SPSB4: variants seen among roughly 807,000 people sequenced by gnomAD.
The protein encoded by SPSB4 is splA/ryanodine receptor domain and SOCS box containing 4.
SPSB4 carries 21 observed loss-of-function variants against 20.9 expected under a neutral mutation model. The ratio of observed to expected loss-of-function variants is 1.01; its 90% CI spans 0.71 to 1.45. The LOEUF (loss-of-function observed/expected upper bound fraction) is 1.45. Among genes scored for constraint, SPSB4 ranks in the 40% most tolerant of loss-of-function variants. SPSB4 has a pLI of 0.00. For missense variants in SPSB4, 399 were observed against 399.2 expected (o/e 1.00, Z 0.00); for synonymous variants, 207 against 183.8 (o/e 1.13, Z -1.02).
chr3:141,113,114 A>T (rs1938829534), intron 2 of SPSB4, among the ~76,000 whole-genome samples: 1 of 152,152 alleles, frequency 6.6e-6, no homozygotes. Flanking sequence ...ACCCACTAGG[A>T]TGGTTATAAT....
chr3:141,062,419 T>C (rs1937783564), intron 1 of SPSB4, among the ~76,000 whole-genome samples: 1 of 152,112 alleles, frequency 6.6e-6, no homozygotes, highest in African/African-American at 2.4e-5. Flanking sequence ...TGGTAGTTTT[T>C]CCCAAAGAAC....
chr3:141,109,034 G>A (rs915773641), intron 2 of SPSB4, among the ~76,000 whole-genome samples: 1 of 152,046 alleles, frequency 6.6e-6, no homozygotes, highest in African/African-American at 2.4e-5. Context: ...TCAAAACCTG[G>A]GCCTTTTGGA....
intron 2 of SPSB4, among the ~76,000 whole-genome samples, chr3:141,079,738 T>C (rs1938190878): frequency 6.6e-6 from 1 of 152,160 alleles, no homozygotes; most frequent in Admixed American, 6.5e-5. Flanking sequence ...AATCCAGATA[T>C]AGAACAAAGT....
chr3:141,102,704 G>A (rs1399141059), intron 2 of SPSB4, among the ~76,000 whole-genome samples: 1 of 152,130 alleles, frequency 6.6e-6, no homozygotes, highest in Non-Finnish European at 1.5e-5. Context: ...GAACCAAGCA[G>A]GAACAGAAAC....
chr3:141,130,053 A>G (rs1939110405), intron 2 of SPSB4, among the ~76,000 whole-genome samples: 1 of 152,198 alleles, frequency 6.6e-6, no homozygotes, highest in Admixed American at 6.5e-5. Flanking sequence ...TCCAAATTCC[A>G]AATGCTTCCT....
In SPSB4 at chr3:141,066,736, C is replaced by G; in HGVS notation, c.632C>G (p.Pro211Arg). ...FRGLKGKKLY[P>R]VVSAVWGHCE... is the part of the protein sequence containing the mutation. ...GGTCTCAAGGGCAAGAAGCTGTACC[C>G]GGTGGTGAGTGCCGTGTGGGGCCAC... is the stretch of plus-strand genomic sequence containing the variant. Residue 211 changes from proline (P) to arginine (R), a missense_variant, in exon 2 of 3, where the codon CCG becomes CGG. Pro to Arg is a moderately radical substitution (Grantham distance 103). Transcript: ENST00000310546. 6.2e-7 allele frequency: 1 copy of G among 1,604,346 alleles called. No homozygotes were observed. The highest frequency in any genetic ancestry group is 8.5e-7 in the Non-Finnish European group (1 of 1,175,210).
chr3:141,129,668 G>GC (rs1432066502), intron 2 of SPSB4, among the ~76,000 whole-genome samples: 1 of 152,154 alleles, frequency 6.6e-6, no homozygotes, highest in Admixed American at 6.5e-5. Context: ...GGCCCAGGCT[G>GC]CCCCCTTGAT....
intron 2 of SPSB4, among the ~76,000 whole-genome samples, chr3:141,116,610 T>C (rs562999669): frequency 6.6e-6 from 1 of 152,322 alleles, no homozygotes; most frequent in Non-Finnish European, 1.5e-5. Flanking sequence ...GCCTATCCTC[T>C]CAACTGCCTC....
At chr3:141,069,210 G>A (rs1197932227) in intron 2 of SPSB4, among the ~76,000 whole-genome samples, 4 of 152,204 alleles carry the variant, frequency 2.6e-5, no homozygotes. Flanking sequence ...GGGAAGCTCA[G>A]CTTCTCTGGG....
At chr3:141,134,706 C>G (rs1420504560) in intron 2 of SPSB4, among the ~76,000 whole-genome samples, 1 of 151,790 alleles carries the variant, frequency 6.6e-6, no homozygotes, top group Admixed American at 6.6e-5. Context: ...GATATGCTGC[C>G]GAATTCAGTT....
At chr3:141,122,731 G>T (rs941129413) in intron 2 of SPSB4, among the ~76,000 whole-genome samples, 8 of 152,214 alleles carry the variant, frequency 5.3e-5, no homozygotes, top group Non-Finnish European at 8.8e-5. Flanking sequence ...GGCTCCGTGG[G>T]CGTGGGACCC....
intron 2 of SPSB4, among the ~76,000 whole-genome samples, chr3:141,097,636 A>G (rs1161703100): frequency 6.6e-6 from 1 of 151,772 alleles, no homozygotes; most frequent in Non-Finnish European, 1.5e-5. Context: ...CTTGTCTCTC[A>G]CAGAGGAGAG....
At chr3:141,089,222 A>G (rs1314334694) in intron 2 of SPSB4, among the ~76,000 whole-genome samples, 1 of 152,208 alleles carries the variant, frequency 6.6e-6, no homozygotes, top group Admixed American at 6.5e-5. Context: ...CAGGTGGACG[A>G]GGGTCCAAAC....
chr3:141,141,192 A>G (rs1446382481), intron 2 of SPSB4, among the ~76,000 whole-genome samples: 1 of 152,092 alleles, frequency 6.6e-6, no homozygotes, highest in East Asian at 1.9e-4. Context: ...GCGCAGTATT[A>G]GGGTGGGAGT....
chr3:141,108,818 A>T (rs1264683586), intron 2 of SPSB4, among the ~76,000 whole-genome samples: 3 of 152,222 alleles, frequency 2.0e-5, no homozygotes, highest in Non-Finnish European at 2.9e-5. Context: ...TAAAGACTCA[A>T]GTATCCCTTT....
intron 2 of SPSB4, among the ~76,000 whole-genome samples, chr3:141,126,923 C>G (rs1156709532): frequency 6.6e-6 from 1 of 152,258 alleles, no homozygotes. Flanking sequence ...GCCTCCAATA[C>G]AGCCCCCCAT....
intron 2 of SPSB4, among the ~76,000 whole-genome samples, chr3:141,134,056 C>CTTTTTTTTTTTTTTTTTTTTTTTT (rs1222303281): frequency 2.6e-4 from 16 of 61,626 alleles, no homozygotes; most frequent in South Asian, 6.4e-4. Flanking sequence ...TTTCTTTTTT[C>CTTTTTTTTTTTTTTTTTTTTTTTT]TTTTTTTTTT....
chr3:141,072,418 G>A (rs575584687), intron 2 of SPSB4, among the ~76,000 whole-genome samples: 2 of 152,308 alleles, frequency 1.3e-5, no homozygotes, highest in East Asian at 1.9e-4. Flanking sequence ...TGATTGGGCC[G>A]TGGCAGATAC....
chr3:141,123,084 C>G (rs1938994838), intron 2 of SPSB4, among the ~76,000 whole-genome samples: 1 of 152,182 alleles, frequency 6.6e-6, no homozygotes, highest in African/African-American at 2.4e-5. Flanking sequence ...GAAGCCAGAC[C>G]TAAATCCTCT....
Sources: gnomAD v4.1 joint callset for allele counts (sites outside exome capture counted in the v4.1 genomes callset) on GRCh38, gnomAD v4.1.1 for gene constraint, MANE v1.5 for transcripts, NCBI Gene and HGNC (gene_info 2026-07-23, HGNC 2026-07-21) for gene names.